Variants in SYT16 observed in about 807,000 individuals in gnomAD.
The protein encoded by SYT16 is synaptotagmin 16.
A neutral mutation model predicts 61.4 loss-of-function variants in SYT16; 42 were observed. That is an observed-to-expected ratio of 0.68 (90% CI 0.53 to 0.89). The LOEUF is 0.89. Among genes scored for constraint, SYT16 ranks in the 40% least tolerant of loss-of-function variants. The pLI, the probability that SYT16 is intolerant of heterozygous loss-of-function variation, is 0.00. For synonymous variants in SYT16, 314 were observed against 302.3 expected (o/e 1.04, Z -0.40); for missense variants, 804 against 807.3 (o/e 1.00, Z 0.05).
intron 3 of SYT16, among the ~76,000 whole-genome samples, chr14:62,042,221 T>C (rs924258624): frequency 2.0e-5 from 3 of 152,254 alleles, no homozygotes; most frequent in Non-Finnish European, 1.5e-5. Flanking sequence ...CAGGCTGGTC[T>C]TGAACTCCTG....
chr14:61,888,447 C>T lies in SYT16; in HGVS notation c.-325+75637C>T, dbSNP rs367938831. On this transcript the variant is annotated intron_variant, in intron 1 of 7. Transcript: ENST00000683842. ...TGGCCTAATTTCAATAATGTTGTGT[C>T]TCAGGGAATAACTAAGTCCAAGAAA... is the stretch of plus-strand genomic sequence containing the variant. Among the ~76,000 whole-genome samples, 7 of 152,230 alleles carry T rather than the reference C, an allele frequency of 4.6e-5. 1 individual carries two copies. Among genetic ancestry groups the T allele is most frequent in the African/African-American group, 1.7e-4 (7 of 41,548 alleles).
chr14:61,984,208 G>T (rs1566738075), intron 2 of SYT16, among the ~76,000 whole-genome samples: 1 of 152,098 alleles, frequency 6.6e-6, no homozygotes, highest in Non-Finnish European at 1.5e-5. Context: ...TATACTCAGT[G>T]CTTCTTTAGT....
intron 1 of SYT16, among the ~76,000 whole-genome samples, chr14:61,958,737 T>C (rs956987089): frequency 2.6e-5 from 4 of 152,076 alleles, no homozygotes; most frequent in African/African-American, 9.7e-5. Context: ...TGCTGTTGGG[T>C]GGAATGTTCT....
intron 7 of SYT16, among the ~76,000 whole-genome samples, chr14:62,092,683 A>C (rs545656241): frequency 6.6e-6 from 1 of 152,018 alleles, no homozygotes; most frequent in East Asian, 1.9e-4. Flanking sequence ...GTAGAAAAAA[A>C]AATCATAAAA....
At chr14:61,947,908 G>C (rs2140468060) in intron 1 of SYT16, among the ~76,000 whole-genome samples, 1 of 152,292 alleles carries the variant, frequency 6.6e-6, no homozygotes. Flanking sequence ...GACTTTACCT[G>C]TGGAGAAAGT....
chr14:62,072,345 C>T (rs1203751912), intron 4 of SYT16, among the ~76,000 whole-genome samples: 1 of 152,088 alleles, frequency 6.6e-6, no homozygotes, highest in Non-Finnish European at 1.5e-5. Flanking sequence ...TATGTACATA[C>T]AAAATGTACA....
At chr14:62,011,098 A>G (rs557770934) in intron 3 of SYT16, among the ~76,000 whole-genome samples, 2 of 152,304 alleles carry the variant, frequency 1.3e-5, no homozygotes, top group Admixed American at 1.3e-4. Flanking sequence ...AAACCATGCT[A>G]TTTACACAAT....
chr14:61,912,886 G>T (rs1048748182), intron 1 of SYT16, among the ~76,000 whole-genome samples: 1 of 152,152 alleles, frequency 6.6e-6, no homozygotes, highest in South Asian at 2.1e-4. Context: ...AGAGCTCCAG[G>T]AATAGTGCCA....
At chr14:62,001,811 G>C (rs1422536981) in intron 3 of SYT16, among the ~76,000 whole-genome samples, 1 of 151,906 alleles carries the variant, frequency 6.6e-6, no homozygotes, top group Non-Finnish European at 1.5e-5. Flanking sequence ...AGCTTGGGTA[G>C]TACCTACTAA....
At chr14:61,914,153 T>C (rs4899061) in intron 1 of SYT16, among the ~76,000 whole-genome samples, 56,630 of 151,894 alleles carry the variant, frequency 0.37, 12,646 homozygotes, top group East Asian at 0.77. Context: ...TTAATTTCTC[T>C]GTAATATTTT....
At chr14:61,955,970 T>C (rs1466027772) in intron 1 of SYT16, among the ~76,000 whole-genome samples, 1 of 151,872 alleles carries the variant, frequency 6.6e-6, no homozygotes, top group Non-Finnish European at 1.5e-5. Context: ...TTTCTTTTAT[T>C]TTTCGCTTTC....
At chr14:61,936,470 T>C (rs1442595919) in intron 1 of SYT16, among the ~76,000 whole-genome samples, 1 of 152,140 alleles carries the variant, frequency 6.6e-6, no homozygotes, top group African/African-American at 2.4e-5. Context: ...ACAAGGCGGC[T>C]AATGAGTTCA....
chr14:62,038,565 G>C (rs2054598381), intron 3 of SYT16, among the ~76,000 whole-genome samples: 1 of 152,100 alleles, frequency 6.6e-6, no homozygotes, highest in Non-Finnish European at 1.5e-5. Context: ...GTTGATCCCA[G>C]CTACTGTGGA....
At chr14:61,982,867 G>C (rs756454913) in intron 2 of SYT16, among the ~76,000 whole-genome samples, 23 of 152,094 alleles carry the variant, frequency 1.5e-4, no homozygotes, top group Non-Finnish European at 2.6e-4. Flanking sequence ...TCTGGATGTC[G>C]TCTTCCAGAG....
chr14:62,102,566 G>C lies in SYT16; in HGVS notation c.*1859G>C, dbSNP rs1049099472. 6.6e-6 allele frequency: 1 copy of C among 152,112 alleles called. No homozygotes were observed. Among genetic ancestry groups the C allele is most frequent in the African/African-American group, 2.4e-5 (1 of 41,406 alleles). 9.4% of individuals were successfully genotyped at this position (152,112 alleles called of 1,614,324 possible). On this transcript the variant is annotated 3_prime_UTR_variant, in exon 8 of 8. Transcript: ENST00000683842. ...GTCTTTGCAGCGTGGCTAAGTCATT[G>C]AGTAGAACTGAGTGCGATTGATTAA...
At position 62,108,490 on chromosome 14, in the gene SYT16, A is replaced by G. The variant is rs1048746519; in HGVS notation, c.*7783A>G. On this transcript the variant is annotated 3_prime_UTR_variant, in exon 8 of 8. Transcript: ENST00000683842. ...TATTTTAAGATAGTTGCATTCTAGG[A>G]CCATGTTTCTTTTTTGAGAGTGTTT... is the stretch of plus-strand genomic sequence containing the variant. The G allele has an allele frequency of 2.6e-5, 4 of 152,168 alleles. No homozygotes were observed. Among genetic ancestry groups the G allele is most frequent in the African/African-American group, 9.7e-5 (4 of 41,448 alleles). 9.4% of individuals were successfully genotyped at this position (152,168 alleles called of 1,614,324 possible). A position where few individuals can be genotyped will look rare whatever the true frequency, so the allele number is the denominator to read the frequency against.
At chr14:61,894,175 C>T (rs939206405) in intron 1 of SYT16, among the ~76,000 whole-genome samples, 8 of 151,980 alleles carry the variant, frequency 5.3e-5, no homozygotes, top group African/African-American at 1.7e-4. Context: ...ATCCCAGCTA[C>T]TCAGGAGGCC....
intron 1 of SYT16, among the ~76,000 whole-genome samples, chr14:61,873,703 C>G (rs1234407362): frequency 6.6e-6 from 1 of 152,108 alleles, no homozygotes; most frequent in Non-Finnish European, 1.5e-5. Flanking sequence ...CTAAAATGTC[C>G]CTAATTAATG....
At chr14:61,991,969 C>G (rs1293794378) in intron 2 of SYT16, among the ~76,000 whole-genome samples, 1 of 151,266 alleles carries the variant, frequency 6.6e-6, no homozygotes, top group African/African-American at 2.5e-5. Context: ...TTCATTCATT[C>G]ATTCATTCAT....
Sources: gnomAD v4.1 joint callset for allele counts (sites outside exome capture counted in the v4.1 genomes callset) on GRCh38, gnomAD v4.1.1 for gene constraint, MANE v1.5 for transcripts, NCBI Gene and HGNC (gene_info 2026-07-23, HGNC 2026-07-21) for gene names.